The following D2HGDH variants were observed in gnomAD, a reference collection of about 807,000 sequenced individuals.
The protein encoded by D2HGDH is D-2-hydroxyglutarate dehydrogenase, mitochondrial.
D2HGDH carries 31 observed loss-of-function variants against 46.9 expected under a neutral mutation model. The observed-to-expected ratio is 0.66, with a 90% CI of 0.50 to 0.89. D2HGDH has a LOEUF of 0.89. Ranked by LOEUF, D2HGDH falls within the 40% of genes least tolerant of loss-of-function variation. The pLI is 0.00. For missense variants in D2HGDH, 698 were observed against 720.8 expected, an observed-to-expected ratio of 0.97 and a Z score of 0.36; for synonymous variants, 364 against 332.6, an observed-to-expected ratio of 1.09 and a Z score of -1.03.
chr2:241,750,204 C>T lies in D2HGDH; in HGVS notation c.907C>T (p.Leu303=), dbSNP rs749051812. The T allele has an allele frequency of 1.2e-6, 2 of 1,614,138 alleles. No homozygotes were observed. Among genetic ancestry groups the T allele is most frequent in the Non-Finnish European group, 1.7e-6 (2 of 1,180,028 alleles). The change falls in exon 7 of 10, where the codon CTG becomes TTG. Residue 303 remains leucine, a synonymous_variant. Coordinates refer to ENST00000321264, the MANE Select transcript of D2HGDH (RefSeq NM_152783.5). ...LQTFSTCKGM[L]GEILSAFEFM... Reference sequence around the variant, plus strand: ...GACCTTCAGCACCTGCAAGGGGATGCTGGGTGAGATCCTGTCTGCATTCGA... The same window carrying T: ...GACCTTCAGCACCTGCAAGGGGATGTTGGGTGAGATCCTGTCTGCATTCGA...
chr2:241,753,662 C>G (rs922075393), intron 8 of D2HGDH, among the ~76,000 whole-genome samples: 5 of 152,240 alleles, frequency 3.3e-5, no homozygotes, highest in African/African-American at 4.8e-5. Context: ...TCAGCCCACC[C>G]GAGTGGAAGC....
chr2:241,765,109 G>A (rs1008717959), intron 9 of D2HGDH, among the ~76,000 whole-genome samples: 4 of 152,192 alleles, frequency 2.6e-5, no homozygotes, highest in African/African-American at 7.2e-5. Flanking sequence ...GGGTGGGGGC[G>A]TCCAGATAGA....
At chr2:241,740,877 A>C (rs1277364666) in intron 2 of D2HGDH, among the ~76,000 whole-genome samples, 156 bp from the exon 3 acceptor site, 1 of 151,906 alleles carries the variant, frequency 6.6e-6, no homozygotes, top group Non-Finnish European at 1.5e-5. Context: ...CCTGGGAGGG[A>C]GAGGTTGCAG....
At position 241,743,744 on chromosome 2, in the gene D2HGDH, G is replaced by T. The variant is rs1198160943; in HGVS notation, c.613G>T (p.Ala205Ser). 6.2e-7 allele frequency: 1 copy of T among 1,612,886 alleles called. No individual in the cohort carries two copies. The highest frequency in any genetic ancestry group is 2.2e-5 in the East Asian group (1 of 44,876). The change falls in exon 5 of 10, where the codon GCA becomes TCA. Residue 205 changes from alanine to serine, a missense_variant. By Grantham distance (99) the Ala-to-Ser change is moderately conservative. Transcript: ENST00000321264. This position sits in a 1 kb window ranked among gnomAD's most constrained non-coding sequence, Gnocchi z 4.8. ...CAGCTGCCACATCGGGGGAAACGTG[G>T]CAACCAACGCTGGAGGCCTGCGGTT... ...KGSCHIGGNV[A>S]TNAGGLRFLR... is the part of the protein sequence containing the mutation.
intron 8 of D2HGDH, chr2:241,755,281 C>T (rs760607848): frequency 9.6e-5 from 125 of 1,300,874 alleles, no homozygotes; most frequent in Admixed American, 5.3e-4. Context: ...GTGGCCCACC[C>T]GCCATGTCCC....
intron 2 of D2HGDH, among the ~76,000 whole-genome samples, chr2:241,740,684 T>G (rs4073892): frequency 2.0e-5 from 3 of 152,184 alleles, no homozygotes; most frequent in Admixed American, 6.5e-5. Context: ...TGGTGGCTCA[T>G]GCCTGTAATC....
intron 9 of D2HGDH, 81 bp downstream of exon 9, chr2:241,756,095 G>C: frequency 6.7e-7 from 1 of 1,494,606 alleles, no homozygotes; most frequent in Admixed American, 2.2e-5. Context: ...CAGGCTTCGA[G>C]GCAGGGCAGT....
intron 2 of D2HGDH, among the ~76,000 whole-genome samples, chr2:241,737,616 A>T (rs1013813882): frequency 2.0e-5 from 3 of 152,120 alleles, no homozygotes; most frequent in Non-Finnish European, 4.4e-5. Context: ...CAGCCTCCTG[A>T]GTAGCTGGGA....
intron 2 of D2HGDH, among the ~76,000 whole-genome samples, chr2:241,740,394 A>G (rs1296672695): frequency 6.6e-6 from 1 of 152,134 alleles, no homozygotes; most frequent in African/African-American, 2.4e-5. Context: ...AGCCGACCTC[A>G]CCACAAGTGG....
At chr2:241,767,599 C>G (rs1041715027) in intron 9 of D2HGDH, 111 bp from the exon 10 acceptor site, 1 of 1,314,542 alleles carries the variant, frequency 7.6e-7, no homozygotes. Flanking sequence ...GAGGCTCAGC[C>G]GGGGGTCTCG....
At chr2:241,761,737 ACCAT>A (rs1402077869) in intron 9 of D2HGDH, among the ~76,000 whole-genome samples, 3 of 152,068 alleles carry the variant, frequency 2.0e-5, no homozygotes, top group African/African-American at 7.2e-5. Flanking sequence ...TAACCCTGTC[ACCAT>A]GTCACCATCC....
chr2:241,750,332 G>T (rs778785432), intron 7 of D2HGDH, 38 bp downstream of exon 7: 1 of 1,502,590 alleles, frequency 6.7e-7, no homozygotes, highest in South Asian at 1.1e-5. Flanking sequence ...TGGTCCTGCA[G>T]CTCCTTCTGC....
intron 9 of D2HGDH, among the ~76,000 whole-genome samples, chr2:241,763,646 T>C (rs969048035): frequency 6.6e-6 from 1 of 152,088 alleles, no homozygotes; most frequent in Non-Finnish European, 1.5e-5. Context: ...TGATGGCAGT[T>C]TTTCAGCTCC....
intron 2 of D2HGDH, among the ~76,000 whole-genome samples, chr2:241,739,240 G>A (rs909052453): frequency 6.6e-6 from 1 of 152,192 alleles, no homozygotes. Flanking sequence ...TGTCTGGAAC[G>A]CGGCCTGGCC....
chr2:241,762,360 G>A (rs1381671091), intron 9 of D2HGDH, among the ~76,000 whole-genome samples: 4 of 152,274 alleles, frequency 2.6e-5, no homozygotes, highest in African/African-American at 4.8e-5. Flanking sequence ...GTGAGCCACC[G>A]CGCCCAGCCT....
chr2:241,746,496 A>C lies in D2HGDH; in HGVS notation c.853+1619A>C, dbSNP rs772784618. On this transcript the variant is annotated intron_variant, in intron 6 of 9. Coordinates refer to ENST00000321264, the MANE Select transcript of D2HGDH (RefSeq NM_152783.5). ...TGTCTTTAAACATAGTTTGACGTCT[A>C]TAATCCCAGCACTTTGGGAGGCCAA... Among the ~76,000 whole-genome samples, 5 of 152,204 alleles carry C rather than the reference A, an allele frequency of 3.3e-5. No individual in the cohort carries two copies. In the East Asian group the frequency reaches 9.6e-4, roughly 29 times the overall value.
rs770031585 is a variant in D2HGDH, at chr2:241,735,180, C to T, written c.-45C>T. On this transcript the variant is annotated 5_prime_UTR_variant, in exon 2 of 10. Transcript: ENST00000321264. ...CCCTTCCCCTCCGGGCCCTGAGTACCGGCCCCCCACCAAGGAGGAGCCCGA... is the reference window on the plus strand; with the variant it reads ...CCCTTCCCCTCCGGGCCCTGAGTACTGGCCCCCCACCAAGGAGGAGCCCGA... The T allele has an allele frequency of 3.5e-4, 512 of 1,477,880 alleles. 3 individuals carry two copies. Among genetic ancestry groups the T allele is most frequent in the Non-Finnish European group, 1.1e-4 (124 of 1,123,702 alleles). The allele number at this position is 1,477,880 out of a possible 1,614,324, so 91.5% of individuals were successfully genotyped here.
chr2:241,763,864 C>G (rs1046889599), intron 9 of D2HGDH, among the ~76,000 whole-genome samples: 1 of 151,936 alleles, frequency 6.6e-6, no homozygotes, highest in African/African-American at 2.4e-5. Context: ...ACCGGCCCCC[C>G]ACCCCCGACC....
intron 8 of D2HGDH, among the ~76,000 whole-genome samples, chr2:241,752,740 G>C (rs574057401): frequency 1.3e-5 from 2 of 151,854 alleles, no homozygotes; most frequent in East Asian, 3.9e-4. Context: ...TGCTTTGCTG[G>C]AGTGGCAGTC....
Sources: allele counts gnomAD v4.1 joint callset (sites outside exome capture counted in the v4.1 genomes callset), GRCh38; gene constraint gnomAD v4.1.1; non-coding constraint Gnocchi (gnomAD v3.1); transcripts MANE v1.5; gene names NCBI Gene and HGNC (gene_info 2026-07-23, HGNC 2026-07-21).